The following SLC20A2 variants were observed in gnomAD, a reference collection of about 807,000 sequenced individuals.
SLC20A2 encodes sodium-dependent phosphate transporter 2.
SLC20A2 carries 30 observed loss-of-function variants against 61.0 expected under a neutral mutation model. That is an observed-to-expected ratio of 0.49 (90% confidence interval 0.37 to 0.67). The LOEUF (loss-of-function observed/expected upper bound fraction) is 0.67, where lower values mean the gene tolerates loss of function less well. Ranked by LOEUF, SLC20A2 falls within the 30% of genes least tolerant of loss-of-function variation. The pLI is 0.00. For missense variants in SLC20A2, 626 were observed against 866.4 expected (o/e 0.72, Z 3.48); for synonymous variants, 351 against 353.3 (o/e 0.99, Z 0.07).
chr8:42,502,486 G>C (rs1462588568), upstream of SLC20A2: 1 of 152,292 alleles, frequency 6.6e-6, no homozygotes, highest in Non-Finnish European at 1.5e-5. Flanking sequence ...ATGCCCTCAG[G>C]AGGCACTGTC....
At chr8:42,460,174 G>T (rs1319990095) in intron 4 of SLC20A2, 182 bp from the exon 5 acceptor site, 1 of 513,460 alleles carries the variant, frequency 1.9e-6, no homozygotes, top group African/African-American at 1.9e-5. Flanking sequence ...GCATTGGCTG[G>T]GGCCATCTCT....
At chr8:42,529,333 AT>A (rs1812185988) in intron 1 of SLC20A2, among the ~76,000 whole-genome samples, 1 of 152,194 alleles carries the variant, frequency 6.6e-6, no homozygotes, top group African/African-American at 2.4e-5. Flanking sequence ...TTTGAAAAAA[AT>A]AAAATGTAAT....
chr8:42,417,540 T>G lies in SLC20A2; in HGVS notation c.*263A>C, dbSNP rs145543019. 4.7e-3 allele frequency: 1,259 copies of G among 268,956 alleles called. 9 individuals carry two copies. The highest frequency in any genetic ancestry group is 9.5e-3 in the South Asian group (95 of 9,980). 16.7% of individuals were successfully genotyped at this position (268,956 alleles called of 1,614,324 possible). ...CTATGGATACAATAGATATTTAATA[T>G]ATAAGTAACTGCACCACATTATATC... On this transcript the variant is annotated 3_prime_UTR_variant, in exon 11 of 11. Coordinates refer to ENST00000520262, the MANE Select transcript of SLC20A2 (RefSeq NM_001257180.2).
At chr8:42,534,847 T>A (rs1206521269) in intron 1 of SLC20A2, 1 of 152,258 alleles carries the variant, frequency 6.6e-6, no homozygotes, top group African/African-American at 2.4e-5. Context: ...GAACTGTTCC[T>A]ATTTGTTCTC....
chr8:42,512,656 A>T (rs1811097155), intron 1 of SLC20A2, among the ~76,000 whole-genome samples: 1 of 152,130 alleles, frequency 6.6e-6, no homozygotes, highest in Non-Finnish European at 1.5e-5. Flanking sequence ...CAGCCCAAAA[A>T]ACTCTTTTTC....
chr8:42,462,794 A>G (rs543028349), intron 4 of SLC20A2, among the ~76,000 whole-genome samples: 112 of 152,252 alleles, frequency 7.4e-4, no homozygotes, highest in African/African-American at 2.6e-3. Context: ...AAGAAACACT[A>G]TTTGCAGTGC....
intron 7 of SLC20A2, among the ~76,000 whole-genome samples, chr8:42,438,170 C>G (rs924055793): frequency 1.3e-5 from 2 of 150,984 alleles, no homozygotes; most frequent in Non-Finnish European, 2.9e-5. Flanking sequence ...AAGTGTCTTC[C>G]AGAAATTACT....
chr8:42,462,856 TATA>T, intron 4 of SLC20A2, 146 bp downstream of exon 4: 1 of 471,714 alleles, frequency 2.1e-6, no homozygotes, highest in Non-Finnish European at 3.8e-6. Context: ...TCTGGCTATT[TATA>T]ATAACATCTG....
chr8:42,506,994 C>T (rs1398877049), intron 1 of SLC20A2, among the ~76,000 whole-genome samples: 1 of 152,142 alleles, frequency 6.6e-6, no homozygotes, highest in African/African-American at 2.4e-5. Flanking sequence ...GGGGATGCAC[C>T]ATCACTGCTG....
chr8:42,462,482 G>C lies in SLC20A2; in HGVS notation c.516+523C>G, dbSNP rs528030399. On this transcript the variant is annotated intron_variant, in intron 4 of 10. Coordinates refer to ENST00000520262, the MANE Select transcript of SLC20A2 (RefSeq NM_001257180.2). ...AGCCACGTTTTGTGTCTAGAACACT[G>C]ATCTCAGTAAGCACTAATTTTTTTT... Among the ~76,000 whole-genome samples the C allele has an allele frequency of 2.6e-5, 4 of 152,168 alleles. No homozygotes were observed. The East Asian group carries it at 5.8e-4, about 22-fold the overall frequency.
At chr8:42,510,816 A>AG (rs1810989162) in intron 1 of SLC20A2, among the ~76,000 whole-genome samples, 1 of 152,168 alleles carries the variant, frequency 6.6e-6, no homozygotes, top group Admixed American at 6.5e-5. Flanking sequence ...AAATGACTCA[A>AG]TGCACATAAA....
chr8:42,459,187 G>A (rs572403387), intron 5 of SLC20A2, among the ~76,000 whole-genome samples: 4 of 123,404 alleles, frequency 3.2e-5, no homozygotes, highest in Non-Finnish European at 6.3e-5. Context: ...AGTTTTCCAA[G>A]ATAGCGCGAT....
chr8:42,436,567 G>A (rs1028172067), intron 8 of SLC20A2, among the ~76,000 whole-genome samples: 2 of 152,140 alleles, frequency 1.3e-5, no homozygotes, highest in African/African-American at 4.8e-5. Flanking sequence ...CTCGAGGCGA[G>A]GCCTTCCTTC....
intron 1 of SLC20A2, among the ~76,000 whole-genome samples, chr8:42,530,731 T>A (rs1485213461): frequency 2.0e-5 from 3 of 152,172 alleles, no homozygotes; most frequent in Admixed American, 6.5e-5. Context: ...TTGGGTTTTG[T>A]TTTTGAGACA....
intron 1 of SLC20A2, among the ~76,000 whole-genome samples, chr8:42,529,041 C>T (rs922417249): frequency 6.6e-6 from 1 of 151,898 alleles, no homozygotes; most frequent in Non-Finnish European, 1.5e-5. Flanking sequence ...GTGGCGTGAT[C>T]GTACCTCACC....
intron 3 of SLC20A2, among the ~76,000 whole-genome samples, chr8:42,464,669 T>C (rs577856706): frequency 2.6e-5 from 4 of 152,184 alleles, no homozygotes; most frequent in Non-Finnish European, 5.9e-5. Flanking sequence ...AATAGTTCAC[T>C]ATCTCTATTA....
chr8:42,439,023 G>A (rs1045488955), intron 7 of SLC20A2, among the ~76,000 whole-genome samples: 1 of 152,068 alleles, frequency 6.6e-6, no homozygotes, highest in Non-Finnish European at 1.5e-5. Flanking sequence ...GGTCAGTCTG[G>A]ACATTTTCTA....
At chr8:42,535,769 G>A (rs908400046) in intron 1 of SLC20A2, among the ~76,000 whole-genome samples, 4 of 152,200 alleles carry the variant, frequency 2.6e-5, no homozygotes, top group Non-Finnish European at 4.4e-5. Flanking sequence ...ACTTAAGGAT[G>A]GTTTAATACT....
chr8:42,517,909 T>C (rs191656779), intron 1 of SLC20A2, among the ~76,000 whole-genome samples: 37 of 152,306 alleles, frequency 2.4e-4, no homozygotes, highest in Non-Finnish European at 4.6e-4. Context: ...TACAAAAACA[T>C]TGTTTGTAGT....
Sources: gnomAD v4.1 joint callset for allele counts (sites outside exome capture counted in the v4.1 genomes callset) on GRCh38, gnomAD v4.1.1 for gene constraint, MANE v1.5 for transcripts, NCBI Gene and HGNC (gene_info 2026-07-23, HGNC 2026-07-21) for gene names.